SAMD4B: variants seen among roughly 807,000 people sequenced by gnomAD.
The protein encoded by SAMD4B is sterile alpha motif domain containing 4B.
A neutral mutation model predicts 74.5 loss-of-function variants in SAMD4B; 5 were observed. The observed-to-expected ratio is 0.07, with a 90% CI of 0.04 to 0.14. SAMD4B has a LOEUF of 0.14. Ranked by LOEUF, SAMD4B falls within the 10% of genes least tolerant of loss-of-function variation. The pLI is 1.00. For missense variants in SAMD4B, 608 were observed against 921.8 expected, an observed-to-expected ratio of 0.66 and a Z score of 4.41; for synonymous variants, 373 against 374.9, an observed-to-expected ratio of 1.00 and a Z score of 0.06.
chr19:39,363,041 C>CT (rs2076746373), intron 3 of SAMD4B, among the ~76,000 whole-genome samples: 1 of 152,138 alleles, frequency 6.6e-6, no homozygotes, highest in African/African-American at 2.4e-5. Context: ...GAGCCAAACC[C>CT]TAGCCCCTCT....
At chr19:39,356,600 G>T in intron 2 of SAMD4B, 89 bp from the exon 3 acceptor site, 1 of 263,876 alleles carries the variant, frequency 3.8e-6, no homozygotes, top group Non-Finnish European at 7.2e-6. Flanking sequence ...AAAGAGAAAG[G>T]CATGAGGCCT....
intron 1 of SAMD4B, among the ~76,000 whole-genome samples, chr19:39,343,630 A>ATCT (rs1306668358): frequency 6.6e-6 from 1 of 151,348 alleles, no homozygotes; most frequent in Non-Finnish European, 1.5e-5. Context: ...TAGCCCAGTG[A>ATCT]TCTTCACCGG....
downstream of SAMD4B, chr19:39,389,221 T>C (rs1299500734): frequency 6.2e-7 from 1 of 1,610,880 alleles, no homozygotes; most frequent in African/African-American, 1.3e-5. This position sits in a 1 kb window ranked among gnomAD's most constrained non-coding sequence, Gnocchi z 5.3. Context: ...AAAAAGGTCC[T>C]TAGGGGCCAC....
Position 39,383,097 on chromosome 19 carries a change from C to T in SAMD4B, c.1973-111C>T. ...CCACCTCCTCCCGTTCTTCCCTCTC[C>T]CCCTCCATCTCTCTTGCTCCCTTCC... On this transcript the variant is annotated intron_variant, in intron 12 of 13. Transcript: ENST00000610417. This position sits in a 1 kb window ranked among gnomAD's most constrained non-coding sequence, Gnocchi z 4.1. The T allele has an allele frequency of 2.3e-6, 2 of 851,760 alleles. No homozygotes were observed. Among genetic ancestry groups the T allele is most frequent in the Non-Finnish European group, 4.1e-6 (2 of 491,198 alleles). The allele number at this position is 851,760 out of a possible 1,614,324, so 52.8% of individuals were successfully genotyped here.
downstream of SAMD4B, chr19:39,386,315 G>A: frequency 6.2e-6 from 10 of 1,614,072 alleles, no homozygotes; most frequent in East Asian, 2.2e-5. This position sits in a 1 kb window ranked among gnomAD's most constrained non-coding sequence, Gnocchi z 6.1. Flanking sequence ...CCTCGTCCCT[G>A]TCACCTTCCT....
At chr19:39,387,759 A>G (rs78294321), downstream of SAMD4B, among the ~76,000 whole-genome samples, 619 of 152,320 alleles carry the variant, frequency 4.1e-3, 2 homozygotes, top group Non-Finnish European at 6.9e-3. Context: ...ATACTTTGGC[A>G]ATGTTTACTT....
At chr19:39,349,190 T>G (rs2075875306) in intron 1 of SAMD4B, among the ~76,000 whole-genome samples, 1 of 152,122 alleles carries the variant, frequency 6.6e-6, no homozygotes, top group South Asian at 2.1e-4. Flanking sequence ...AATGACTGGG[T>G]CTTTGGGAAA....
chr19:39,376,277 G>A (rs1308817091), intron 5 of SAMD4B, among the ~76,000 whole-genome samples, 160 bp from the exon 6 acceptor site: 1 of 152,182 alleles, frequency 6.6e-6, no homozygotes, highest in Non-Finnish European at 1.5e-5. Flanking sequence ...GTCTGGCTAG[G>A]CAGATGAAGA....
At position 39,377,597 on chromosome 19, in the gene SAMD4B, C is replaced by A; in HGVS notation, c.1217C>A (p.Thr406Asn). The change falls in exon 8 of 14, where the codon ACC becomes AAC. Residue 406 changes from threonine to asparagine, a missense_variant. By Grantham distance (65) the Thr-to-Asn change is moderately conservative (BLOSUM62 0). Around this residue, in one of 9 missense-constraint regions of SAMD4B, gnomAD observed 99 missense variants for 112.1 expected, o/e 0.88. Transcript: ENST00000610417. ...CAGGCCACCGTGGCTGCCGCCACCA[C>A]CACCCCTACTGCCAAGGATGGGGCC... ...VLQATVAAATTTPTAKDGAPG... is the reference protein window; with the variant it reads ...VLQATVAAATNTPTAKDGAPG... 1 of 1,614,046 alleles carries A rather than the reference C, an allele frequency of 6.2e-7. No individual in the cohort carries two copies. Among genetic ancestry groups the A allele is most frequent in the Non-Finnish European group, 8.5e-7 (1 of 1,179,934 alleles).
At chr19:39,376,403 C>G in intron 5 of SAMD4B, 34 bp from the exon 6 acceptor site, 1 of 1,564,274 alleles carries the variant, frequency 6.4e-7, no homozygotes, top group Non-Finnish European at 8.8e-7. Flanking sequence ...CTGGGCCAAA[C>G]TCCTGACCTT....
intron 1 of SAMD4B, among the ~76,000 whole-genome samples, chr19:39,346,558 A>G (rs948934260): frequency 2.6e-5 from 4 of 152,192 alleles, no homozygotes; most frequent in Admixed American, 6.5e-5. Context: ...ACATGTATTC[A>G]TAGGAGGTAG....
chr19:39,344,797 C>T (rs1323185156), intron 1 of SAMD4B, among the ~76,000 whole-genome samples: 1 of 152,134 alleles, frequency 6.6e-6, no homozygotes, highest in Non-Finnish European at 1.5e-5. Flanking sequence ...CCCAGTGCTC[C>T]GAGATCTTTC....
At chr19:39,361,216 G>A (rs1046681638) in intron 3 of SAMD4B, among the ~76,000 whole-genome samples, 2 of 152,060 alleles carry the variant, frequency 1.3e-5, no homozygotes, top group Admixed American at 1.3e-4. Flanking sequence ...ATATTTAGCG[G>A]GATGGACCAG....
chr19:39,377,044 C>T (rs554392460), intron 7 of SAMD4B, among the ~76,000 whole-genome samples: 2 of 152,358 alleles, frequency 1.3e-5, no homozygotes, highest in East Asian at 1.9e-4. Context: ...CACCTTCTCT[C>T]CCCTTTTGCT....
chr19:39,368,030 C>T lies in SAMD4B; in HGVS notation c.197-1625C>T, dbSNP rs149402701. Among the ~76,000 whole-genome samples the T allele has an allele frequency of 4.2e-3, 643 of 151,472 alleles. 5 individuals are homozygous for T. The highest frequency in any genetic ancestry group is 0.014 in the African/African-American group (596 of 41,332). ...GAGATCGAGACCATCTTGGCTAATG[C>T]GGTGAAACCCTGTCTCTACTAAAAA... On this transcript the variant is annotated intron_variant, in intron 3 of 13. Transcript: ENST00000610417.
downstream of SAMD4B, chr19:39,390,400 C>G (rs2078354105): frequency 4.9e-6 from 5 of 1,023,716 alleles, no homozygotes; most frequent in Middle Eastern, 3.0e-4. Flanking sequence ...ATGCTGGTTT[C>G]TTTGGGTGGT....
chr19:39,374,473 A>G (rs960443613), intron 4 of SAMD4B, among the ~76,000 whole-genome samples: 2 of 152,244 alleles, frequency 1.3e-5, no homozygotes, highest in Non-Finnish European at 2.9e-5. Context: ...TTCATTCATT[A>G]CAAGATATAA....
intron 1 of SAMD4B, among the ~76,000 whole-genome samples, chr19:39,353,163 A>C (rs1234128077): frequency 6.6e-6 from 1 of 152,184 alleles, no homozygotes; most frequent in Non-Finnish European, 1.5e-5. Context: ...TGGGAAGGAA[A>C]ACCGATTTTT....
Position 39,376,642 on chromosome 19 carries a change from G to C in SAMD4B, c.1018-63G>C, listed in dbSNP as rs979750785. ...CCTCTGTCTCCTTGATCTCTATTTG[G>C]GTACCCCCAAATATCTCAGCCTCAC... On this transcript the variant is annotated intron_variant, in intron 6 of 13. Coordinates refer to ENST00000610417, the MANE Select transcript of SAMD4B (RefSeq NM_001384574.2). 38 of 1,589,820 alleles carry C rather than the reference G, an allele frequency of 2.4e-5. 1 individual carries two copies. The South Asian group carries it at 4.0e-4, about 17-fold the overall frequency.
Sources: gnomAD v4.1 joint callset for allele counts (sites outside exome capture counted in the v4.1 genomes callset) on GRCh38, gnomAD v4.1.1 for gene constraint, gnomAD v4.1.1 regional missense constraint, Gnocchi (gnomAD v3.1) non-coding constraint, MANE v1.5 for transcripts, NCBI Gene and HGNC (gene_info 2026-07-23, HGNC 2026-07-21) for gene names.